Variants in ZBTB40 observed in about 807,000 individuals in gnomAD.
The protein encoded by ZBTB40 is zinc finger and BTB domain-containing protein 40.
In ZBTB40, 60 loss-of-function variants were observed where a neutral mutation model predicts 117.5. The ratio of observed to expected loss-of-function variants is 0.51; its 90% CI spans 0.41 to 0.63. The LOEUF is 0.63. Ranked by LOEUF, ZBTB40 falls within the 30% of genes least tolerant of loss-of-function variation. The pLI is 0.00. For missense variants in ZBTB40, 1,287 were observed against 1,498.5 expected, an observed-to-expected ratio of 0.86 and a Z score of 2.33; for synonymous variants, 525 against 577.1, an observed-to-expected ratio of 0.91 and a Z score of 1.29.
At chr1:22,495,982 G>A (rs2124437606) in intron 3 of ZBTB40, among the ~76,000 whole-genome samples, 2 of 152,300 alleles carry the variant, frequency 1.3e-5, no homozygotes, top group Middle Eastern at 6.8e-3. Context: ...GGTTGGACAG[G>A]ACGCTGGCAC....
intron 1 of ZBTB40, among the ~76,000 whole-genome samples, chr1:22,476,585 T>G (rs1641553873): frequency 6.6e-6 from 1 of 152,272 alleles, no homozygotes; most frequent in African/African-American, 2.4e-5. Flanking sequence ...ATATTCTTTG[T>G]GCTCCTTTTG....
chr1:22,433,540 A>G (rs915031460), intron 1 of ZBTB40, among the ~76,000 whole-genome samples: 16 of 149,708 alleles, frequency 1.1e-4, no homozygotes, highest in Admixed American at 8.6e-4. Flanking sequence ...GACTTAAAGT[A>G]TACAGGAGGA....
chr1:22,475,413 G>A (rs1440734292), intron 1 of ZBTB40, among the ~76,000 whole-genome samples: 3 of 152,186 alleles, frequency 2.0e-5, no homozygotes, highest in African/African-American at 4.8e-5. Context: ...CCATAACAGC[G>A]ATAGCAGTTA....
chr1:22,469,386 C>T (rs1385424148), intron 1 of ZBTB40, among the ~76,000 whole-genome samples: 1 of 152,024 alleles, frequency 6.6e-6, no homozygotes. Flanking sequence ...CAGGTGTGAT[C>T]AAAGAGCACT....
chr1:22,521,205 G>A (rs1306061820), intron 14 of ZBTB40, among the ~76,000 whole-genome samples: 1 of 152,200 alleles, frequency 6.6e-6, no homozygotes, highest in Non-Finnish European at 1.5e-5. Flanking sequence ...TCCGCTTCCA[G>A]CTCGCTAGGA....
intron 16 of ZBTB40, among the ~76,000 whole-genome samples, chr1:22,522,945 C>CTTT (rs34232963): frequency 4.3e-5 from 4 of 93,904 alleles, no homozygotes; most frequent in Non-Finnish European, 6.2e-5. Flanking sequence ...TAAGATGTAC[C>CTTT]TTTTTTTTTT....
Position 22,508,625 on chromosome 1 carries a change from C to A in ZBTB40, c.1593C>A (p.Ala531=), listed in dbSNP as rs1316455660. ...AAAAGCAGACTCTCTCTGCCACAGC[C>A]ATTTGGCAACTGCTGCTGGTGGTTC... ...VLEKQTLSAT[A]IWQLLLVVQE... is the part of the protein sequence containing the mutation. The change falls in exon 8 of 18, where the codon GCC becomes GCA. Residue 531 remains alanine (A), a synonymous_variant. Transcript: ENST00000375647. 1 of 1,614,168 alleles carries A rather than the reference C, an allele frequency of 6.2e-7. No homozygotes were observed. Among genetic ancestry groups the A allele is most frequent in the Admixed American group, 1.7e-5 (1 of 60,030 alleles).
chr1:22,521,385 C>T lies in ZBTB40; in HGVS notation c.3049-111C>T, dbSNP rs117679091. ...GTGTGATAGGTAAGAGTGTGTGATACTAGAAACGTCAGCTTATCCAAAAAT... is the reference window on the plus strand; with the variant it reads ...GTGTGATAGGTAAGAGTGTGTGATATTAGAAACGTCAGCTTATCCAAAAAT... On this transcript the variant is annotated intron_variant, in intron 14 of 17. Transcript: ENST00000375647. 190 of 1,377,736 alleles carry T rather than the reference C, an allele frequency of 1.4e-4. 1 individual carries two copies. In the East Asian group the frequency reaches 4.5e-3, roughly 32 times the overall value. 85.3% of individuals were successfully genotyped at this position (1,377,736 alleles called of 1,614,324 possible).
chr1:22,471,692 A>T (rs944784809), intron 1 of ZBTB40, among the ~76,000 whole-genome samples: 3 of 152,230 alleles, frequency 2.0e-5, no homozygotes, highest in Non-Finnish European at 4.4e-5. Context: ...GGCAAAAAAG[A>T]TGTTTTAATC....
At position 22,511,261 on chromosome 1, in the gene ZBTB40, C is replaced by T. The variant is rs755336555; in HGVS notation, c.1916C>T (p.Pro639Leu). Residue 639 changes from proline to leucine, a missense_variant, in exon 10 of 18, where the codon CCG becomes CTG. Physicochemically the swap from Pro to Leu is moderately conservative, Grantham distance 98. Around this residue, in one of 2 missense-constraint regions of ZBTB40, gnomAD observed 870 missense variants for 934.4 expected, o/e 0.93. Transcript: ENST00000375647. ...AGCAGAGCCATGGAAAAATCAGTCC[C>T]GGCCATTGAAATATGCCACCTCCTG... Reference protein sequence around the residue: ...VLSRAMEKSVPAIEICHLLCS... With the variant: ...VLSRAMEKSVLAIEICHLLCS... 17 of 1,613,926 alleles carry T rather than the reference C, an allele frequency of 1.1e-5. No homozygotes were observed. Among genetic ancestry groups the T allele is most frequent in the African/African-American group, 4.0e-5 (3 of 74,862 alleles).
chr1:22,454,208 C>A (rs1640952309), intron 1 of ZBTB40, among the ~76,000 whole-genome samples: 1 of 152,174 alleles, frequency 6.6e-6, no homozygotes, highest in African/African-American at 2.4e-5. Flanking sequence ...CCGCCTCAGC[C>A]TCCCAAAGTG....
chr1:22,453,523 G>GT (rs1381675695), intron 1 of ZBTB40, among the ~76,000 whole-genome samples: 1 of 152,186 alleles, frequency 6.6e-6, no homozygotes, highest in Non-Finnish European at 1.5e-5. Context: ...AAATACAGCT[G>GT]TAATAGCATC....
At chr1:22,460,571 A>G (rs1200606820) in intron 1 of ZBTB40, among the ~76,000 whole-genome samples, 1 of 152,192 alleles carries the variant, frequency 6.6e-6, no homozygotes, top group Non-Finnish European at 1.5e-5. Context: ...GCCGTTTCTA[A>G]AAATTAAGAA....
rs1225925365 is a variant in ZBTB40, at chr1:22,529,929, T to G, written c.*3533T>G. ...TTTATTTGCGGGATCAATCAGGGAC[T>G]CCCAGAAAGGAAGGAGAATGGTGAG... is the stretch of plus-strand genomic sequence containing the variant. On this transcript the variant is annotated 3_prime_UTR_variant, in exon 18 of 18. Transcript: ENST00000375647. 2 of 151,778 alleles carry G rather than the reference T, an allele frequency of 1.3e-5. No individual in the cohort carries two copies. Among genetic ancestry groups the G allele is most frequent in the Non-Finnish European group, 2.9e-5 (2 of 67,978 alleles). 9.4% of individuals were successfully genotyped at this position (151,778 alleles called of 1,614,324 possible). A position where few individuals can be genotyped will look rare whatever the true frequency, so the allele number is the denominator to read the frequency against.
chr1:22,500,513 G>T (rs1171014732), intron 3 of ZBTB40, among the ~76,000 whole-genome samples: 1 of 152,240 alleles, frequency 6.6e-6, no homozygotes, highest in African/African-American at 2.4e-5. Context: ...TGCTGTTAAT[G>T]GTTATGGATT....
intron 3 of ZBTB40, among the ~76,000 whole-genome samples, chr1:22,497,888 C>G (rs1638820827): frequency 6.6e-6 from 1 of 152,054 alleles, no homozygotes; most frequent in South Asian, 2.1e-4. Flanking sequence ...GCACGGTGTC[C>G]AGGATGATGT....
chr1:22,525,541 A>G (rs1450587431), intron 17 of ZBTB40, among the ~76,000 whole-genome samples: 1 of 152,234 alleles, frequency 6.6e-6, no homozygotes, highest in East Asian at 1.9e-4. Context: ...CGGGAATTGG[A>G]TATGCCTAAC....
In ZBTB40 at chr1:22,434,097, C is replaced by T. The variant is rs143270209; in HGVS notation, c.-70+5083C>T. 3.7e-3 allele frequency among the ~76,000 whole-genome samples: 569 copies of T among 152,170 alleles called. 3 individuals carry two copies. The highest frequency in any genetic ancestry group is 0.012 in the African/African-American group (518 of 41,520). On this transcript the variant is annotated intron_variant, in intron 1 of 8. Transcript: ENST00000650433. ...TCAACCAGCAATGGATGGGAATGCC[C>T]GTTTACCATCACATTGTCAGACTTC...
intron 3 of ZBTB40, among the ~76,000 whole-genome samples, chr1:22,499,490 T>C (rs1638868643): frequency 6.6e-6 from 1 of 152,188 alleles, no homozygotes; most frequent in Admixed American, 6.5e-5. Context: ...TTTAAAGAGA[T>C]TTCAAGTCAA....
Sources: allele counts gnomAD v4.1 joint callset (sites outside exome capture counted in the v4.1 genomes callset), GRCh38; gene constraint gnomAD v4.1.1; regional missense constraint gnomAD v4.1.1; transcripts MANE v1.5; gene names NCBI Gene and HGNC (gene_info 2026-07-23, HGNC 2026-07-21).